FCHO1: variants seen among roughly 807,000 people sequenced by gnomAD.
FCHO1 encodes FCH and mu domain containing endocytic adaptor 1.
In FCHO1, 45 loss-of-function variants were observed where a neutral mutation model predicts 114.4. The observed-to-expected ratio is 0.39, with a 90% CI of 0.31 to 0.50. FCHO1 has a LOEUF of 0.50. FCHO1 is among the 20% of genes least tolerant of loss of function. The pLI, the probability that FCHO1 is intolerant of heterozygous loss-of-function variation, is 0.77. For missense variants in FCHO1, 1,042 were observed against 1,209.6 expected, an observed-to-expected ratio of 0.86 and a Z score of 2.06; for synonymous variants, 480 against 488.9, an observed-to-expected ratio of 0.98 and a Z score of 0.24.
chr19:17,784,582 C>A lies in FCHO1; in HGVS notation c.2227-143C>A. The A allele has an allele frequency of 1.2e-6, 1 of 809,050 alleles. No homozygotes were observed. Among genetic ancestry groups the A allele is most frequent in the Non-Finnish European group, 2.1e-6 (1 of 476,554 alleles). The allele number at this position is 809,050 out of a possible 1,614,324, so 50.1% of individuals were successfully genotyped here. A position where few individuals can be genotyped will look rare whatever the true frequency, so the allele number is the denominator to read the frequency against. ...CTGCTGGAAACCTGGTGTAATACAGCCTCTCATCCATCAAATCTCCCTGTG... is the reference window on the plus strand; with the variant it reads ...CTGCTGGAAACCTGGTGTAATACAGACTCTCATCCATCAAATCTCCCTGTG... On this transcript the variant is annotated intron_variant, in intron 25 of 28. Transcript: ENST00000596536. This position sits in a 1 kb window ranked among gnomAD's most constrained non-coding sequence, Gnocchi z 5.3.
rs369171861 is a variant in FCHO1 at position 17,788,221 on chromosome 19, G to A, written c.2648-63G>A. 48 of 1,150,280 alleles carry A rather than the reference G, an allele frequency of 4.2e-5. No homozygotes were observed. The Admixed American group carries it at 6.7e-4, about 16-fold the overall frequency. The allele number at this position is 1,150,280 out of a possible 1,614,324, so 71.3% of individuals were successfully genotyped here. On this transcript the variant is annotated intron_variant, in intron 28 of 28. Transcript: ENST00000596536. ...ATGATTGAAGCATCCCAGGGTCAGA[G>A]CCGGGGAACCCCTCCCGTACCCCTC...
Position 17,760,200 on chromosome 19 carries a change from G to GCCCA in FCHO1, c.28-2560_28-2559insCACC, listed in dbSNP as rs1384298102. Among the ~76,000 whole-genome samples, 5 of 152,178 alleles carry GCCCA rather than the reference G, an allele frequency of 3.3e-5. No homozygotes were observed. In the South Asian group the frequency reaches 6.2e-4, roughly 19 times the overall value. On this transcript the variant is annotated intron_variant, in intron 4 of 28. Transcript: ENST00000596536. ...CGAATAGCTGGGGTTATAGGCATGT[G>GCCCA]CCACCACGCCTGGCTAATTTTTGTA... is the stretch of plus-strand genomic sequence containing the variant.
At chr19:17,778,368 AGT>A (rs2092916717) in intron 19 of FCHO1, 140 bp downstream of exon 19, 1 of 668,526 alleles carries the variant, frequency 1.5e-6, no homozygotes, top group South Asian at 1.7e-5. Context: ...GCGGGGCCAG[AGT>A]GCGCGTGGGA....
intron 19 of FCHO1, 142 bp downstream of exon 19, chr19:17,778,370 T>C (rs1419295955): frequency 2.4e-5 from 16 of 672,926 alleles, no homozygotes; most frequent in East Asian, 2.1e-4. Flanking sequence ...GGGGCCAGAG[T>C]GCGCGTGGGA....
intron 28 of FCHO1, 38 bp from the exon 29 acceptor site, chr19:17,788,246 C>CAA: frequency 9.8e-7 from 1 of 1,024,994 alleles, no homozygotes; most frequent in Non-Finnish European, 1.5e-6. Flanking sequence ...CCGTACCCCT[C>CAA]CTCCCCACCC....
chr19:17,766,780 C>G lies in FCHO1; in HGVS notation c.306C>G (p.Tyr102Ter). ...LQDLIKDVLR[Y>*]GEEQLKTHKK... Reference sequence around the variant, plus strand: ...ATCTCATCAAGGACGTTCTCCGCTACGGCGAGGAACAGCTCAAGACCCACA... The same window carrying G: ...ATCTCATCAAGGACGTTCTCCGCTAGGGCGAGGAACAGCTCAAGACCCACA... Residue 102 changes from tyrosine to a stop codon, truncating the protein, a stop_gained, in exon 7 of 29, where the codon TAC (tyrosine) becomes TAG (stop). Transcript: ENST00000596536. LOFTEE classifies it high-confidence loss of function. The G allele has an allele frequency of 6.2e-7, 1 of 1,614,134 alleles. No individual in the cohort carries two copies. The highest frequency in any genetic ancestry group is 8.5e-7 in the Non-Finnish European group (1 of 1,180,006).
At chr19:17,769,889 C>T (rs986281420) in intron 7 of FCHO1, among the ~76,000 whole-genome samples, 11 of 152,134 alleles carry the variant, frequency 7.2e-5, no homozygotes, top group African/African-American at 2.6e-4. Flanking sequence ...ACAGGCCGGG[C>T]GTAGTGGCTC....
intron 1 of FCHO1, 72 bp from the exon 2 acceptor site, chr19:17,754,245 C>T (rs530562646): frequency 6.6e-6 from 1 of 152,442 alleles, no homozygotes; most frequent in Admixed American, 6.5e-5. Flanking sequence ...GCGGCCTGAC[C>T]CAGCCTCTTG....
At chr19:17,782,750 A>G (rs2093541534) in intron 23 of FCHO1, among the ~76,000 whole-genome samples, 1 of 152,138 alleles carries the variant, frequency 6.6e-6, no homozygotes, top group African/African-American at 2.4e-5. Context: ...AAAACTGAAC[A>G]TTTTAATTTG....
At chr19:17,773,241 C>T (rs1408724295) in intron 11 of FCHO1, among the ~76,000 whole-genome samples, 2 of 152,186 alleles carry the variant, frequency 1.3e-5, no homozygotes, top group African/African-American at 4.8e-5. Context: ...GCTGTGTGAC[C>T]TAGGACCTGT....
chr19:17,757,915 CA>C (rs71162192), intron 4 of FCHO1, among the ~76,000 whole-genome samples: 2,437 of 77,892 alleles, frequency 0.031, 36 homozygotes, highest in African/African-American at 0.094. Context: ...GACCCTGTCT[CA>C]AAAAAAAAAA....
At position 17,781,356 on chromosome 19, in the gene FCHO1, G is replaced by T. The variant is rs114340602; in HGVS notation, c.1740+13G>T. 40 of 1,611,478 alleles carry T rather than the reference G, an allele frequency of 2.5e-5. No individual in the cohort carries two copies. Among genetic ancestry groups the T allele is most frequent in the Non-Finnish European group, 3.2e-5 (38 of 1,177,810 alleles). On this transcript the variant is annotated intron_variant, in intron 21 of 28. Transcript: ENST00000596536. ...CAATGGGGACCTGGTAGGTGAGGGGGCGTGGCAGGAGCTGGACTGGGGGTC... is the reference window on the plus strand; with the variant it reads ...CAATGGGGACCTGGTAGGTGAGGGGTCGTGGCAGGAGCTGGACTGGGGGTC...
Position 17,775,212 on chromosome 19 carries a change from T to C in FCHO1, c.945+132T>C. On this transcript the variant is annotated intron_variant, in intron 14 of 28. Transcript: ENST00000596536. The surrounding 1 kb of genome is among the most constrained non-coding windows in gnomAD (Gnocchi z 5.1). ...GAGGGGCGGGCTGGAGCCTGGGGGC[T>C]GGGTTCATATCCCACCTCAGCTGCA... 1 of 1,041,454 alleles carries C rather than the reference T, an allele frequency of 9.6e-7. No homozygotes were observed. The highest frequency in any genetic ancestry group is 1.4e-6 in the Non-Finnish European group (1 of 704,720). 64.5% of individuals were successfully genotyped at this position (1,041,454 alleles called of 1,614,324 possible). A position where few individuals can be genotyped will look rare whatever the true frequency, so the allele number is the denominator to read the frequency against.
At chr19:17,758,284 G>A (rs868724253) in intron 4 of FCHO1, among the ~76,000 whole-genome samples, 58 of 152,108 alleles carry the variant, frequency 3.8e-4, no homozygotes, top group African/African-American at 1.4e-3. Context: ...GGAGGGGGTT[G>A]AGCAGGGTTA....
rs567151201 is a variant in FCHO1 at position 17,758,255 on chromosome 19, G to A, written c.27+3064G>A. On this transcript the variant is annotated intron_variant, in intron 4 of 28. Transcript: ENST00000596536. ...AAAACGTATTCCTGGCGAGCTGGAGGGAGCAACAGTGAAGTGGGGGAGGGG... is the reference window on the plus strand; with the variant it reads ...AAAACGTATTCCTGGCGAGCTGGAGAGAGCAACAGTGAAGTGGGGGAGGGG... 2.0e-5 allele frequency among the ~76,000 whole-genome samples: 3 copies of A among 152,168 alleles called. No homozygotes were observed. The South Asian group carries it at 6.2e-4, about 32-fold the overall frequency.
upstream of FCHO1, among the ~76,000 whole-genome samples, chr19:17,751,159 C>T (rs1247342799): frequency 6.6e-6 from 1 of 152,152 alleles, no homozygotes; most frequent in East Asian, 1.9e-4. The surrounding 1 kb of genome is among the most constrained non-coding windows in gnomAD (Gnocchi z 4.4). Context: ...CCTTTCTGAG[C>T]GCATTTCCCT....
At position 17,764,544 on chromosome 19, in the gene FCHO1, T is replaced by C. The variant is rs1002756033; in HGVS notation, c.194+95T>C. On this transcript the variant is annotated intron_variant, in intron 6 of 28. Coordinates refer to ENST00000596536, the MANE Select transcript of FCHO1 (RefSeq NM_015122.3). ...TCGGTGCATGTAGAATAGAGTGTCA[T>C]CCACCTCGATTATGGGGCTATTTGG... 5.0e-5 allele frequency: 48 copies of C among 965,682 alleles called. No individual in the cohort carries two copies. The African/African-American group carries it at 7.7e-4, about 16-fold the overall frequency. The allele number at this position is 965,682 out of a possible 1,614,324, so 59.8% of individuals were successfully genotyped here.
upstream of FCHO1, among the ~76,000 whole-genome samples, chr19:17,750,698 A>G (rs4312421): frequency 8.9e-3 from 1,358 of 151,966 alleles, 25 homozygotes; most frequent in African/African-American, 0.031. Context: ...GGCTCAAGCA[A>G]TCCACCTGCC....
chr19:17,750,647 C>T (rs958662994), upstream of FCHO1, among the ~76,000 whole-genome samples: 3 of 151,198 alleles, frequency 2.0e-5, no homozygotes, highest in African/African-American at 4.9e-5. Flanking sequence ...TTAGTAGAGA[C>T]GGGGTTTTAC....
Sources: gnomAD v4.1 joint callset for allele counts (sites outside exome capture counted in the v4.1 genomes callset) on GRCh38, gnomAD v4.1.1 for gene constraint, Gnocchi (gnomAD v3.1) non-coding constraint, MANE v1.5 for transcripts, NCBI Gene and HGNC (gene_info 2026-07-23, HGNC 2026-07-21) for gene names.